The following RASGRP4 variants were observed in gnomAD, a reference collection of about 807,000 sequenced individuals.
The protein encoded by RASGRP4 is RAS guanyl-releasing protein 4.
Under a neutral mutation model 84.4 loss-of-function variants are expected in RASGRP4, and 52 were observed. That is an observed-to-expected ratio of 0.62 (90% CI 0.49 to 0.78). The LOEUF (loss-of-function observed/expected upper bound fraction) is 0.78. RASGRP4 is among the 30% of genes least tolerant of loss of function. The pLI, the probability that RASGRP4 is intolerant of heterozygous loss-of-function variation, is 0.00. For synonymous variants in RASGRP4, 356 were observed against 359.1 expected (o/e 0.99, Z 0.10); for missense variants, 760 against 886.9 (o/e 0.86, Z 1.82).
intron 1 of RASGRP4, among the ~76,000 whole-genome samples, chr19:38,425,603 C>G (rs896987687): frequency 6.6e-6 from 1 of 152,136 alleles, no homozygotes; most frequent in African/African-American, 2.4e-5. Flanking sequence ...CAGAACCGGC[C>G]GCACAGCCAG....
chr19:38,426,100 C>G lies in RASGRP4; in HGVS notation c.-9G>C, dbSNP rs186298477. 351 of 1,331,040 alleles carry G rather than the reference C, an allele frequency of 2.6e-4. No individual in the cohort carries two copies. Among genetic ancestry groups the G allele is most frequent in the African/African-American group, 1.7e-3 (114 of 66,522 alleles). The allele number at this position is 1,331,040 out of a possible 1,614,324, so 82.5% of individuals were successfully genotyped here. A position where few individuals can be genotyped will look rare whatever the true frequency, so the allele number is the denominator to read the frequency against. Reference sequence around the variant, plus strand: ...CTGTCTTTTCTGTTCATGCTTCCCGCGTGGGGTGAGGAGGCCGGGGGTCTT... The same window carrying G: ...CTGTCTTTTCTGTTCATGCTTCCCGGGTGGGGTGAGGAGGCCGGGGGTCTT... On this transcript the variant is annotated 5_prime_UTR_variant, in exon 1 of 17. Coordinates refer to ENST00000615439, the MANE Select transcript of RASGRP4 (RefSeq NM_170604.3).
In RASGRP4 at chr19:38,410,968, G is replaced by A. The variant is rs755325515; in HGVS notation, c.1883C>T (p.Ser628Phe). The A allele has an allele frequency of 8.7e-6, 14 of 1,602,108 alleles. No individual in the cohort carries two copies. In the East Asian group the frequency reaches 2.9e-4, roughly 33 times the overall value. Residue 628 changes from serine to phenylalanine, a missense_variant, in exon 16 of 17, where the codon TCC (serine) becomes TTC (phenylalanine). By Grantham distance (155) the Ser-to-Phe change is radical. Coordinates refer to ENST00000615439, the MANE Select transcript of RASGRP4 (RefSeq NM_170604.3). Reference sequence around the variant, plus strand: ...CTGGCACCCAGTCTCAGGCTCCAGGGATAGCGTGTAGGAGTGATTTTCCTC... The same window carrying A: ...CTGGCACCCAGTCTCAGGCTCCAGGAATAGCGTGTAGGAGTGATTTTCCTC... ...GSEENHSYTL[S>F]LEPETGCQLR...
At position 38,420,121 on chromosome 19, in the gene RASGRP4, G is replaced by A. The variant is rs1971676739; in HGVS notation, c.509+10C>T. On this transcript the variant is annotated intron_variant, in intron 5 of 16. Coordinates refer to ENST00000615439, the MANE Select transcript of RASGRP4 (RefSeq NM_170604.3). ...GGGGCAGGGAAGAGGGGAGCACAGG[G>A]CTGACTCACAGGTCAGAAGAGTCTC... 1 of 1,611,664 alleles carries A rather than the reference G, an allele frequency of 6.2e-7. No individual in the cohort carries two copies. Among genetic ancestry groups the A allele is most frequent in the Non-Finnish European group, 8.5e-7 (1 of 1,178,810 alleles).
At chr19:38,420,684 G>A (rs528873660) in intron 4 of RASGRP4, among the ~76,000 whole-genome samples, 4 of 149,466 alleles carry the variant, frequency 2.7e-5, no homozygotes, top group South Asian at 2.2e-4. Context: ...GGGTCTATGG[G>A]ATCTGGTTGG....
chr19:38,415,013 G>C lies in RASGRP4; in HGVS notation c.1065C>G (p.Leu355=), dbSNP rs758322359. 23 of 1,612,192 alleles carry C rather than the reference G, an allele frequency of 1.4e-5. No homozygotes were observed. The Admixed American group carries it at 3.7e-4, about 26-fold the overall frequency. The change falls in exon 9 of 17, where the codon CTC becomes CTG. Residue 355 remains leucine (L), a synonymous_variant. Coordinates refer to ENST00000615439, the MANE Select transcript of RASGRP4 (RefSeq NM_170604.3). ...GFRLPVLGVH[L]KDLVSLHEAQ... is the part of the protein sequence containing the mutation. ...CCTCATGCAGGGACACCAGGTCCTT[G>C]AGGTGCACGCCCAGTACAGGCAGCC...
In RASGRP4 at chr19:38,409,957, C is replaced by T. The variant is rs1311302326; in HGVS notation, c.*83G>A. 3 of 1,145,448 alleles carry T rather than the reference C, an allele frequency of 2.6e-6. No homozygotes were observed. The highest frequency in any genetic ancestry group is 1.3e-6 in the Non-Finnish European group (1 of 794,124). The allele number at this position is 1,145,448 out of a possible 1,614,324, so 71.0% of individuals were successfully genotyped here. Reference sequence around the variant, plus strand: ...GGCGGATGCCTCTGGAGGCCTACCTCTGGGAGCCCTGCCAGAGTCTGACGG... The same window carrying T: ...GGCGGATGCCTCTGGAGGCCTACCTTTGGGAGCCCTGCCAGAGTCTGACGG... On this transcript the variant is annotated 3_prime_UTR_variant, in exon 17 of 17. Coordinates refer to ENST00000615439, the MANE Select transcript of RASGRP4 (RefSeq NM_170604.3).
chr19:38,425,968 A>G, intron 1 of RASGRP4, 101 bp downstream of exon 1: 1 of 1,025,410 alleles, frequency 9.8e-7, no homozygotes, highest in Admixed American at 4.2e-5. Context: ...GATCCCAAAG[A>G]AGTCAGGAAT....
intron 16 of RASGRP4, 51 bp downstream of exon 16, chr19:38,410,835 A>G (rs2145190574): frequency 7.5e-7 from 1 of 1,334,592 alleles, no homozygotes; most frequent in Non-Finnish European, 1.1e-6. Context: ...CCCCACGCCA[A>G]TGGCCTGTGT....
chr19:38,420,399 G>T, intron 4 of RASGRP4, 137 bp from the exon 5 acceptor site: 1 of 881,798 alleles, frequency 1.1e-6, no homozygotes, highest in East Asian at 2.7e-5. Context: ...GAGGGTTGGG[G>T]TTTGGAGGGG....
chr19:38,410,282 C>T (rs1052726324), intron 16 of RASGRP4, among the ~76,000 whole-genome samples, 186 bp from the exon 17 acceptor site: 2 of 152,162 alleles, frequency 1.3e-5, no homozygotes, highest in Admixed American at 6.5e-5. Context: ...GCGTTTACTC[C>T]ATTAACCCGT....
At chr19:38,414,524 C>G (rs1971413439) in intron 9 of RASGRP4, among the ~76,000 whole-genome samples, 1 of 151,962 alleles carries the variant, frequency 6.6e-6, no homozygotes, top group Non-Finnish European at 1.5e-5. Flanking sequence ...CGGGGTTTCT[C>G]CATGTTGGTC....
intron 1 of RASGRP4, among the ~76,000 whole-genome samples, chr19:38,424,468 G>A (rs1971900753): frequency 6.6e-6 from 1 of 152,002 alleles, no homozygotes; most frequent in Non-Finnish European, 1.5e-5. Context: ...CTCCCAGGCT[G>A]GAGCACAGTT....
At chr19:38,425,325 G>A (rs1460023323) in intron 1 of RASGRP4, among the ~76,000 whole-genome samples, 1 of 152,162 alleles carries the variant, frequency 6.6e-6, no homozygotes, top group Non-Finnish European at 1.5e-5. Context: ...AGTACTTACA[G>A]GCCTCTCCGA....
rs1971350081 is a variant in RASGRP4, at chr19:38,413,264, C to G, written c.1345G>C (p.Glu449Gln). 1 of 1,613,860 alleles carries G rather than the reference C, an allele frequency of 6.2e-7. No homozygotes were observed. The highest frequency in any genetic ancestry group is 8.5e-7 in the Non-Finnish European group (1 of 1,179,856). ...TTGGGTGTCACACCAGGGGCCCACTCCACCACCAGAGGTGCATTGAAGGGG... is the reference window on the plus strand; with the variant it reads ...TTGGGTGTCACACCAGGGGCCCACTGCACCACCAGAGGTGCATTGAAGGGG... ...PSPFNAPLVVEWAPGVTPKPD... is the reference protein window; with the variant it reads ...PSPFNAPLVVQWAPGVTPKPD... Residue 449 changes from glutamate (E) to glutamine (Q), a missense_variant, in exon 11 of 17, where the codon GAG becomes CAG. Glu to Gln is a conservative substitution (Grantham distance 29). Coordinates refer to ENST00000615439, the MANE Select transcript of RASGRP4 (RefSeq NM_170604.3). This position sits in a 1 kb window ranked among gnomAD's most constrained non-coding sequence, Gnocchi z 4.7.
intron 3 of RASGRP4, 24 bp from the exon 4 acceptor site, chr19:38,420,994 T>C (rs1474685122): frequency 2.5e-6 from 4 of 1,613,466 alleles, no homozygotes; most frequent in Non-Finnish European, 2.5e-6. Context: ...AAGGCTCTGT[T>C]TTCCAGGATC....
rs368147956 is a variant in RASGRP4, at chr19:38,420,092, C to T, written c.509+39G>A. 34 of 1,607,016 alleles carry T rather than the reference C, an allele frequency of 2.1e-5. No individual in the cohort carries two copies. The East Asian group carries it at 2.9e-4, about 14-fold the overall frequency. On this transcript the variant is annotated intron_variant, in intron 5 of 16. Coordinates refer to ENST00000615439, the MANE Select transcript of RASGRP4 (RefSeq NM_170604.3). ...GATATAGAGGGAGATGGCAGAATGG[C>T]GATGGGGCAGGGAAGAGGGGAGCAC...
chr19:38,411,075 C>A (rs34898849), intron 15 of RASGRP4, 40 bp downstream of exon 15: 89,464 of 1,609,228 alleles, frequency 0.056, 2,877 homozygotes, highest in African/African-American at 0.11. Context: ...ACCCCTTTCC[C>A]CCAGGCCCCT....
chr19:38,413,586 A>G lies in RASGRP4; in HGVS notation c.1231-112T>C. 1 of 874,656 alleles carries G rather than the reference A, an allele frequency of 1.1e-6. No individual in the cohort carries two copies. The highest frequency in any genetic ancestry group is 2.6e-5 in the East Asian group (1 of 37,754). 54.2% of individuals were successfully genotyped at this position (874,656 alleles called of 1,614,324 possible). A position where few individuals can be genotyped will look rare whatever the true frequency, so the allele number is the denominator to read the frequency against. ...CCTCCTGGGTTCAAATCCTGGCATT[A>G]CTGCTGTGGGACAGTGGGCAAGGGA... On this transcript the variant is annotated intron_variant, in intron 9 of 16. Transcript: ENST00000615439. This position sits in a 1 kb window ranked among gnomAD's most constrained non-coding sequence, Gnocchi z 4.7.
At position 38,415,140 on chromosome 19, in the gene RASGRP4, T is replaced by C; in HGVS notation, c.955-17A>G. 2 of 1,575,510 alleles carry C rather than the reference T, an allele frequency of 1.3e-6. No homozygotes were observed. Among genetic ancestry groups the C allele is most frequent in the Non-Finnish European group, 8.6e-7 (1 of 1,158,906 alleles). On this transcript the variant is annotated splice_polypyrimidine_tract_variant and intron_variant, in intron 8 of 16. Coordinates refer to ENST00000615439, the MANE Select transcript of RASGRP4 (RefSeq NM_170604.3). ...CAGGAGGGCCTGGGGAGGAGGGACA[T>C]GGGATTGGGGCGTTATCAGGACAGT...
Sources: allele counts gnomAD v4.1 joint callset (sites outside exome capture counted in the v4.1 genomes callset), GRCh38; gene constraint gnomAD v4.1.1; non-coding constraint Gnocchi (gnomAD v3.1); transcripts MANE v1.5; gene names NCBI Gene and HGNC (gene_info 2026-07-23, HGNC 2026-07-21).